The following EML4 variants were observed in gnomAD, a reference collection of about 807,000 sequenced individuals.
EML4 encodes EMAP like 4.
A neutral mutation model predicts 129.0 loss-of-function variants in EML4; 72 were observed. The ratio of observed to expected loss-of-function variants is 0.56; its 90% CI spans 0.46 to 0.68. The LOEUF is 0.68. Ranked by LOEUF, EML4 falls within the 30% of genes least tolerant of loss-of-function variation. The pLI is 0.00. For missense variants in EML4, 1,363 were observed against 1,190.6 expected (o/e 1.14, Z -2.13); for synonymous variants, 532 against 405.0 (o/e 1.31, Z -3.77).
intron 1 of EML4, among the ~76,000 whole-genome samples, chr2:42,196,216 A>ATT (rs559845215): frequency 9.5e-4 from 144 of 152,356 alleles, no homozygotes; most frequent in Non-Finnish European, 1.7e-3. Flanking sequence ...TAATGAGTGA[A>ATT]TTAATACATT....
Position 42,174,353 on chromosome 2 carries a change from C to T in EML4, c.25+4717C>T, listed in dbSNP as rs1001835737. On this transcript the variant is annotated intron_variant, in intron 1 of 22. Transcript: ENST00000318522. ...TCTCCCAGGCTGGAGTACAATGGCA[C>T]GATCTCAGCTCACTGCAACCTCTGC... Among the ~76,000 whole-genome samples, 6 of 152,012 alleles carry T rather than the reference C, an allele frequency of 3.9e-5. No homozygotes were observed. In the South Asian group the frequency reaches 6.2e-4, roughly 16 times the overall value.
chr2:42,303,900 G>A (rs1339261152), intron 16 of EML4, among the ~76,000 whole-genome samples: 1 of 152,198 alleles, frequency 6.6e-6, no homozygotes, highest in Non-Finnish European at 1.5e-5. Context: ...ACTCCAGCCT[G>A]GGCAACAGAG....
intron 8 of EML4, 24 bp downstream of exon 8, chr2:42,282,996 C>T (rs372371536): frequency 6.4e-6 from 10 of 1,554,822 alleles, no homozygotes; most frequent in East Asian, 2.3e-5. Flanking sequence ...AACATTGGTT[C>T]ATTTTTGTTC....
intron 13 of EML4, 24 bp downstream of exon 13, chr2:42,295,540 C>T (rs761114823): frequency 3.1e-6 from 5 of 1,600,630 alleles, no homozygotes; most frequent in Admixed American, 3.5e-5. Context: ...ATATTAAACT[C>T]ATTTCTGGTA....
At chr2:42,173,431 T>C (rs1670391120) in intron 1 of EML4, among the ~76,000 whole-genome samples, 1 of 152,102 alleles carries the variant, frequency 6.6e-6, no homozygotes. Flanking sequence ...TTAGCTAGAG[T>C]GTTTTTCAAC....
At chr2:42,244,390 C>T (rs1675247871) in intron 1 of EML4, among the ~76,000 whole-genome samples, 1 of 152,146 alleles carries the variant, frequency 6.6e-6, no homozygotes, top group African/African-American at 2.4e-5. Flanking sequence ...AGCCACCGCG[C>T]CCAGCCAGCA....
chr2:42,220,612 A>G (rs530981213), intron 1 of EML4, among the ~76,000 whole-genome samples: 15 of 152,178 alleles, frequency 9.9e-5, no homozygotes, highest in South Asian at 4.1e-4. Context: ...TAATCCTACA[A>G]TGGTTCTTAA....
At chr2:42,227,399 G>A (rs1674038250) in intron 1 of EML4, among the ~76,000 whole-genome samples, 1 of 151,400 alleles carries the variant, frequency 6.6e-6, no homozygotes, top group African/African-American at 2.4e-5. Flanking sequence ...GAACCACTGT[G>A]CCCAGCCTCC....
chr2:42,238,803 A>G (rs1433564494), intron 1 of EML4, among the ~76,000 whole-genome samples: 2 of 152,122 alleles, frequency 1.3e-5, no homozygotes, highest in African/African-American at 2.4e-5. Context: ...TTTGTTTTAA[A>G]GACAGGGTCT....
At chr2:42,244,876 A>G (rs1264993892) in intron 1 of EML4, among the ~76,000 whole-genome samples, 1 of 152,126 alleles carries the variant, frequency 6.6e-6, no homozygotes, top group African/African-American at 2.4e-5. Context: ...GATGTCTACA[A>G]GATGATGTAT....
Position 42,284,672 on chromosome 2 carries a change from G to C in EML4, c.980G>C (p.Gly327Ala). The C allele has an allele frequency of 6.2e-7, 1 of 1,612,936 alleles. No homozygotes were observed. Residue 327 changes from glycine to alanine, a missense_variant, in exon 9 of 23, where the codon GGA becomes GCA. Transcript: ENST00000318522. Reference protein sequence around the residue: ...IHPDKIRIATGQIAGVDKDGR... With the variant: ...IHPDKIRIATAQIAGVDKDGR... The stretch of plus-strand genomic sequence containing the variant: ...CCTGACAAAATTAGGATTGCAACTG[G>C]ACAGATAGCTGGCGTGGATAAAGAT...
At chr2:42,174,202 A>G (rs1670438518) in intron 1 of EML4, among the ~76,000 whole-genome samples, 1 of 152,222 alleles carries the variant, frequency 6.6e-6, no homozygotes, top group Non-Finnish European at 1.5e-5. Context: ...TTTTTAAAAT[A>G]GATTCTAATA....
chr2:42,232,311 T>C (rs930691628), intron 1 of EML4, among the ~76,000 whole-genome samples: 1 of 152,220 alleles, frequency 6.6e-6, no homozygotes, highest in Non-Finnish European at 1.5e-5. Flanking sequence ...TGTTATATGC[T>C]AATTAGAAAG....
At position 42,257,170 on chromosome 2, in the gene EML4, A is replaced by C. The variant is rs1676208203; in HGVS notation, c.338+540A>C. Among the ~76,000 whole-genome samples, 3 of 152,138 alleles carry C rather than the reference A, an allele frequency of 2.0e-5. No homozygotes were observed. The South Asian group carries it at 6.2e-4, about 32-fold the overall frequency. On this transcript the variant is annotated intron_variant, in intron 3 of 22. Transcript: ENST00000318522. ...GTGGGCAGGAGGGCTGTGGAATTAC[A>C]GCAATATAAGTTTCAGTGGATTACA...
intron 2 of EML4, among the ~76,000 whole-genome samples, chr2:42,254,753 C>T (rs1455319711): frequency 6.6e-6 from 1 of 151,746 alleles, no homozygotes; most frequent in African/African-American, 2.4e-5. Context: ...GTTGAACATA[C>T]AACAACCGTG....
At chr2:42,287,886 A>T (rs1667397632) in intron 10 of EML4, among the ~76,000 whole-genome samples, 1 of 152,162 alleles carries the variant, frequency 6.6e-6, no homozygotes, top group Non-Finnish European at 1.5e-5. Context: ...AAGGAAAAAT[A>T]GCTTAATACA....
At chr2:42,222,777 C>T (rs988698194) in intron 1 of EML4, among the ~76,000 whole-genome samples, 4 of 147,376 alleles carry the variant, frequency 2.7e-5, no homozygotes, top group South Asian at 4.3e-4. Context: ...AGAAATATAA[C>T]GGTTCTTTTG....
intron 17 of EML4, among the ~76,000 whole-genome samples, chr2:42,312,104 G>A (rs1381292039): frequency 2.0e-5 from 3 of 152,108 alleles, no homozygotes; most frequent in Non-Finnish European, 4.4e-5. Context: ...TTAAACTCAA[G>A]TATTCACATA....
intron 9 of EML4, among the ~76,000 whole-genome samples, chr2:42,285,124 G>C (rs571197245): frequency 3.6e-4 from 54 of 151,958 alleles, no homozygotes; most frequent in Middle Eastern, 3.4e-3. Flanking sequence ...GCCCAGGCTG[G>C]GCTCAAACTC....
Sources: gnomAD v4.1 joint callset for allele counts (sites outside exome capture counted in the v4.1 genomes callset) on GRCh38, gnomAD v4.1.1 for gene constraint, MANE v1.5 for transcripts, NCBI Gene and HGNC (gene_info 2026-07-23, HGNC 2026-07-21) for gene names.